The following MCOLN2 variants were observed in gnomAD, a reference collection of about 807,000 sequenced individuals.
The protein encoded by MCOLN2 is mucolipin TRP cation channel 2, also known as mucolipin-2.
In MCOLN2, 57 loss-of-function variants were observed where a neutral mutation model predicts 67.5. The observed-to-expected ratio is 0.84, with a 90% CI of 0.68 to 1.05. MCOLN2 has a LOEUF of 1.05. MCOLN2 is among the 50% of genes least tolerant of loss of function. The pLI is 0.00. For synonymous variants in MCOLN2, 246 were observed against 233.3 expected (o/e 1.05, Z -0.50); for missense variants, 620 against 678.8 (o/e 0.91, Z 0.96).
chr1:84,995,542 T>C (rs1571062403), intron 1 of MCOLN2, among the ~76,000 whole-genome samples: 1 of 151,982 alleles, frequency 6.6e-6, no homozygotes, highest in East Asian at 1.9e-4. Flanking sequence ...ACTTTTACTT[T>C]TACAGCCAGA....
At chr1:84,964,662 C>T (rs1174596493) in intron 2 of MCOLN2, among the ~76,000 whole-genome samples, 1 of 151,910 alleles carries the variant, frequency 6.6e-6, no homozygotes, top group Non-Finnish European at 1.5e-5. Flanking sequence ...TAGTGGGGGC[C>T]CTGAGCTTGT....
intron 12 of MCOLN2, among the ~76,000 whole-genome samples, 185 bp downstream of exon 12, chr1:84,931,177 C>A (rs116456370): frequency 1.8e-3 from 267 of 152,306 alleles, no homozygotes; most frequent in African/African-American, 6.1e-3. Flanking sequence ...CCCTCCAAAC[C>A]AATCCACCCT....
At chr1:84,943,760 G>A (rs1012360700) in intron 7 of MCOLN2, among the ~76,000 whole-genome samples, 7 of 152,162 alleles carry the variant, frequency 4.6e-5, no homozygotes, top group African/African-American at 1.7e-4. Context: ...AAATGGGGAG[G>A]GCAAGCGTAC....
rs779922712 is a variant in MCOLN2, at chr1:84,950,675, AG to A, written c.747+1567del. 2.0e-5 allele frequency among the ~76,000 whole-genome samples: 3 copies of A among 152,318 alleles called. No individual in the cohort carries two copies. In the South Asian group the frequency reaches 6.2e-4, roughly 32 times the overall value. ...GGTGAACACATTAAGAAAACCAAAA[AG>A]TTCACTGGCAGAGCTTGGAGAGCCG... is the stretch of plus-strand genomic sequence containing the variant. On this transcript the variant is annotated intron_variant, in intron 6 of 13. Transcript: ENST00000370608.
intron 6 of MCOLN2, among the ~76,000 whole-genome samples, chr1:84,947,334 C>G (rs1225514057): frequency 1.1e-4 from 16 of 148,036 alleles, no homozygotes; most frequent in Admixed American, 1.1e-3. Flanking sequence ...ACACACGGGA[C>G]CAAAATAATG....
intron 11 of MCOLN2, among the ~76,000 whole-genome samples, chr1:84,936,406 C>T (rs1647433862): frequency 1.3e-5 from 2 of 152,092 alleles, no homozygotes; most frequent in Non-Finnish European, 2.9e-5. Context: ...GCAACACTGC[C>T]CTCTAGTGAC....
At position 84,952,516 on chromosome 1, in the gene MCOLN2, CT is replaced by C. The variant is rs763367692; in HGVS notation, c.579del (p.Asp194ThrfsTer84). 1 of 1,609,568 alleles carries C rather than the reference CT, an allele frequency of 6.2e-7. No individual in the cohort carries two copies. Among genetic ancestry groups the C allele is most frequent in the South Asian group, 1.1e-5 (1 of 90,990 alleles). On this transcript the variant is annotated frameshift_variant, in exon 5 of 14. Transcript: ENST00000370608. LOFTEE classifies it high-confidence loss of function. ...DNDVELDCVQLDLQDLSKKPP... is the reference protein window; with the variant it reads ...DNDVELDCVQXDLQDLSKKPP... ...GGCTTCTTGGAGAGGTCCTGAAGGT[CT>C]AATTGAACACAATCTAGGGCAATGA... is the stretch of plus-strand genomic sequence containing the variant.
At chr1:84,952,874 C>T (rs1047223045) in intron 4 of MCOLN2, among the ~76,000 whole-genome samples, 1 of 152,122 alleles carries the variant, frequency 6.6e-6, no homozygotes, top group African/African-American at 2.4e-5. Context: ...ACAGAAAAAC[C>T]CAACGTGAGA....
chr1:84,927,774 T>C (rs182119941), intron 13 of MCOLN2, among the ~76,000 whole-genome samples: 1 of 152,306 alleles, frequency 6.6e-6, no homozygotes, highest in African/African-American at 2.4e-5. Flanking sequence ...AGTCCATTCT[T>C]CTGTCCCTAG....
chr1:84,962,810 CTT>C (rs896323378), intron 2 of MCOLN2, among the ~76,000 whole-genome samples: 1 of 152,184 alleles, frequency 6.6e-6, no homozygotes, highest in Non-Finnish European at 1.5e-5. Flanking sequence ...GACTGGAACT[CTT>C]TGAATTCCTG....
chr1:84,986,531 A>C (rs1222610422), intron 1 of MCOLN2, among the ~76,000 whole-genome samples: 14 of 149,704 alleles, frequency 9.4e-5, no homozygotes, highest in Non-Finnish European at 1.6e-4. Context: ...TAACAAGATC[A>C]AAACTCCATC....
intron 1 of MCOLN2, among the ~76,000 whole-genome samples, chr1:84,973,129 G>C (rs912704510): frequency 2.6e-5 from 4 of 152,238 alleles, no homozygotes; most frequent in East Asian, 1.9e-4. Context: ...GAATTCCCAA[G>C]ATTTAATATA....
At chr1:84,965,153 T>C (rs1192844215) in intron 2 of MCOLN2, among the ~76,000 whole-genome samples, 2 of 152,038 alleles carry the variant, frequency 1.3e-5, no homozygotes, top group Admixed American at 6.5e-5. Context: ...TTTACTTAGA[T>C]AGAGCACACT....
At chr1:84,964,875 T>TAA (rs11412400) in intron 2 of MCOLN2, among the ~76,000 whole-genome samples, 3 of 151,806 alleles carry the variant, frequency 2.0e-5, no homozygotes, top group African/African-American at 7.3e-5. Context: ...GGGGAGCAGC[T>TAA]AAAAAAACAG....
chr1:84,976,608 A>C (rs1650006362), intron 1 of MCOLN2, among the ~76,000 whole-genome samples: 1 of 152,192 alleles, frequency 6.6e-6, no homozygotes, highest in Non-Finnish European at 1.5e-5. Context: ...TCTACTAAAA[A>C]TATAAAAATT....
chr1:84,975,018 A>G lies in MCOLN2; in HGVS notation c.78-9310T>C, dbSNP rs116221602. On this transcript the variant is annotated intron_variant, in intron 1 of 13. Transcript: ENST00000370608. ...TAATTTGAGTGCCAGCTCAGGCACG[A>G]TACAATAGAACACTAGGTAGACTTC... Among the ~76,000 whole-genome samples, 611 of 152,326 alleles carry G rather than the reference A, an allele frequency of 4.0e-3. 2 individuals carry two copies. Among genetic ancestry groups the G allele is most frequent in the African/African-American group, 0.014 (573 of 41,574 alleles).
intron 6 of MCOLN2, among the ~76,000 whole-genome samples, chr1:84,950,880 C>T (rs1236442078): frequency 6.6e-6 from 1 of 152,184 alleles, no homozygotes; most frequent in Non-Finnish European, 1.5e-5. Flanking sequence ...CTGTTTCCCC[C>T]AGGAGAGCCC....
intron 2 of MCOLN2, among the ~76,000 whole-genome samples, chr1:84,959,961 A>G (rs1648991829): frequency 6.6e-6 from 1 of 152,184 alleles, no homozygotes; most frequent in Non-Finnish European, 1.5e-5. Context: ...GCTGCTTGGG[A>G]GGCCGAGGTG....
chr1:84,989,277 TAAC>T lies in MCOLN2; in HGVS notation c.77+7516_77+7518del, dbSNP rs1050226749. Among the ~76,000 whole-genome samples the T allele has an allele frequency of 9.1e-4, 139 of 152,212 alleles. 1 individual carries two copies. Among genetic ancestry groups the T allele is most frequent in the African/African-American group, 2.8e-3 (115 of 41,558 alleles). ...AATATCTTTTGTGATCAAATAATAA[TAAC>T]AACAATATTAATAACATGATAAAAA... On this transcript the variant is annotated intron_variant, in intron 1 of 13. Transcript: ENST00000370608.
Sources: allele counts gnomAD v4.1 joint callset (sites outside exome capture counted in the v4.1 genomes callset), GRCh38; gene constraint gnomAD v4.1.1; transcripts MANE v1.5; gene names NCBI Gene and HGNC (gene_info 2026-07-23, HGNC 2026-07-21).